SNIP1: variants seen among roughly 807,000 people sequenced by gnomAD.
SNIP1 encodes Smad nuclear interacting protein 1.
In SNIP1, 23 loss-of-function variants were observed where a neutral mutation model predicts 37.4. That is an observed-to-expected ratio of 0.61 (90% CI 0.44 to 0.87). SNIP1 has a LOEUF of 0.87. SNIP1 is among the 40% of genes least tolerant of loss of function. SNIP1 has a pLI of 0.00. For missense variants in SNIP1, 459 were observed against 540.4 expected (o/e 0.85, Z 1.49); for synonymous variants, 174 against 200.0 (o/e 0.87, Z 1.10).
chr1:37,553,863 C>T, intron 1 of SNIP1, 143 bp downstream of exon 1: 2 of 819,878 alleles, frequency 2.4e-6, no homozygotes, highest in Non-Finnish European at 1.9e-6. Flanking sequence ...AACACAAGCA[C>T]GACTGGATCA....
In SNIP1 at chr1:37,553,967, C is replaced by A. The variant is rs746361040; in HGVS notation, c.224+39G>T. ...AGCCCTGCCCGCCTTTCTGAATGAG[C>A]CCAACCCAATGTCCATCCTGGACTG... On this transcript the variant is annotated intron_variant, in intron 1 of 3. Coordinates refer to ENST00000296215, the MANE Select transcript of SNIP1 (RefSeq NM_024700.4). The A allele has an allele frequency of 1.2e-4, 193 of 1,545,018 alleles. 3 individuals are homozygous for A. In the Middle Eastern group the frequency reaches 1.4e-3, roughly 11 times the overall value.
intron 3 of SNIP1, 79 bp from the exon 4 acceptor site, chr1:37,538,091 T>A: frequency 3.4e-6 from 5 of 1,470,820 alleles, no homozygotes; most frequent in Non-Finnish European, 4.5e-6. Flanking sequence ...TTTGCTAAGA[T>A]AGCCTAGATG....
In SNIP1 at chr1:37,537,805, T is replaced by C. The variant is rs1240153064; in HGVS notation, c.1134A>G (p.Glu378=). Reference sequence around the variant, plus strand: ...CATCCTCGTCATCTTTCCTGTCTATTTCAGAAGTGTCCGACGACTCATGGA... The same window carrying C: ...CATCCTCGTCATCTTTCCTGTCTATCTCAGAAGTGTCCGACGACTCATGGA... ...VLLHESSDTS[E]IDRKDDEDEE... is the part of the protein sequence containing the mutation. Residue 378 remains glutamate (E), a synonymous_variant, in exon 4 of 4, where the codon GAA becomes GAG. Transcript: ENST00000296215. The C allele has an allele frequency of 6.2e-7, 1 of 1,614,228 alleles. No individual in the cohort carries two copies. Among genetic ancestry groups the C allele is most frequent in the South Asian group, 1.1e-5 (1 of 91,086 alleles).
rs748948503 is a variant in SNIP1 at position 37,540,162 on chromosome 1, T to C, written c.921A>G (p.Gln307=). Residue 307 remains glutamine (Q), a synonymous_variant, in exon 3 of 4, where the codon CAA becomes CAG. Coordinates refer to ENST00000296215, the MANE Select transcript of SNIP1 (RefSeq NM_024700.4). This position sits in a 1 kb window ranked among gnomAD's most constrained non-coding sequence, Gnocchi z 5.6. ...PSCSKQHAVF[Q]YRLVEYTRAD... ...TCTTCCTCCATGTTACTTACCGATA[T>C]TGAAAGACCGCATGCTGCTTTGAAC... 8 of 1,579,280 alleles carry C rather than the reference T, an allele frequency of 5.1e-6. No homozygotes were observed. The East Asian group carries it at 9.0e-5, about 18-fold the overall frequency.
In SNIP1 at chr1:37,554,073, G is replaced by A; in HGVS notation, c.157C>T (p.Pro53Ser). The change falls in exon 1 of 4, where the codon CCG (proline) becomes TCG (serine). Residue 53 changes from proline to serine, a missense_variant. Physicochemically the swap from Pro to Ser is moderately conservative, Grantham distance 74 (BLOSUM62 -1). Coordinates refer to ENST00000296215, the MANE Select transcript of SNIP1 (RefSeq NM_024700.4). ...HRRPDHSGGSPSPPTSEPARS... is the reference protein window; with the variant it reads ...HRRPDHSGGSSSPPTSEPARS... Reference sequence around the variant, plus strand: ...GCCGGCTCGCTGGTCGGCGGAGACGGGCTACCACCGGAGTGGTCCGGACGG... The same window carrying A: ...GCCGGCTCGCTGGTCGGCGGAGACGAGCTACCACCGGAGTGGTCCGGACGG... 6.2e-7 allele frequency: 1 copy of A among 1,603,290 alleles called. No homozygotes were observed. The highest frequency in any genetic ancestry group is 8.5e-7 in the Non-Finnish European group (1 of 1,176,068).
chr1:37,552,279 C>A (rs186751310), intron 2 of SNIP1, among the ~76,000 whole-genome samples: 57 of 152,162 alleles, frequency 3.7e-4, no homozygotes, highest in African/African-American at 1.3e-3. Context: ...GTATTCCTTG[C>A]GGTGAAGGAA....
At chr1:37,544,143 CAA>C (rs976922210) in intron 2 of SNIP1, among the ~76,000 whole-genome samples, 1 of 128,938 alleles carries the variant, frequency 7.8e-6, no homozygotes, top group Admixed American at 8.1e-5. Context: ...GACTCCGTCT[CAA>C]AAAAAAAAAA....
chr1:37,543,215 GA>G (rs1643193736), intron 2 of SNIP1, among the ~76,000 whole-genome samples: 5 of 152,060 alleles, frequency 3.3e-5, no homozygotes, highest in African/African-American at 1.2e-4. Context: ...GAAGGTACAG[GA>G]AAAATGGGTA....
In SNIP1 at chr1:37,537,890, T is replaced by C; in HGVS notation, c.1049A>G (p.Tyr350Cys). The C allele has an allele frequency of 1.2e-6, 2 of 1,614,240 alleles. No individual in the cohort carries two copies. Among genetic ancestry groups the C allele is most frequent in the Non-Finnish European group, 1.7e-6 (2 of 1,180,046 alleles). Reference protein sequence around the residue: ...NNKRIEPQRYYELKEKDVLKF... With the variant: ...NNKRIEPQRYCELKEKDVLKF... ...GAGTACATCCTTTTCTTTTAGTTCA[T>C]AGTATCTCTGTGGCTCAATACGTTT... is the stretch of plus-strand genomic sequence containing the variant. Residue 350 changes from tyrosine (Y) to cysteine (C), a missense_variant, in exon 4 of 4, where the codon TAT (tyrosine) becomes TGT (cysteine). Tyr to Cys is a radical substitution (Grantham distance 194, BLOSUM62 -2). Coordinates refer to ENST00000296215, the MANE Select transcript of SNIP1 (RefSeq NM_024700.4).
intron 2 of SNIP1, among the ~76,000 whole-genome samples, chr1:37,545,650 A>T (rs1643226492): frequency 6.6e-6 from 1 of 151,906 alleles, no homozygotes; most frequent in Non-Finnish European, 1.5e-5. Context: ...TAAAAAATAC[A>T]TAATAATAAT....
In SNIP1 at chr1:37,554,039, CCCGAGCGGGCCGG is replaced by C; in HGVS notation, c.178_190del (p.Pro60AlafsTer44). The stretch of plus-strand genomic sequence containing the variant: ...TCCTCGGGCTCGGTTCCCGCGGTGG[CCCGAGCGGGCCGG>C]CTCGCTGGTCGGCGGAGACGGGCTA... On this transcript the variant is annotated frameshift_variant, in exon 1 of 4. Transcript: ENST00000296215. LOFTEE classifies it high-confidence loss of function. 6.3e-7 allele frequency: 1 copy of C among 1,581,266 alleles called. No homozygotes were observed. The highest frequency in any genetic ancestry group is 8.6e-7 in the Non-Finnish European group (1 of 1,164,164).
At chr1:37,538,861 A>AGGCAAGCG (rs917362474) in intron 3 of SNIP1, among the ~76,000 whole-genome samples, 31 of 152,254 alleles carry the variant, frequency 2.0e-4, no homozygotes, top group African/African-American at 6.0e-4. Context: ...GCGGGCAAGC[A>AGGCAAGCG]GGCAAGCGAG....
At position 37,535,788 on chromosome 1, in the gene SNIP1, TG is replaced by T. The variant is rs1404083714; in HGVS notation, c.*1959del. 2 of 151,848 alleles carry T rather than the reference TG, an allele frequency of 1.3e-5. No individual in the cohort carries two copies. The highest frequency in any genetic ancestry group is 2.9e-5 in the Non-Finnish European group (2 of 67,992). 9.4% of individuals were successfully genotyped at this position (151,848 alleles called of 1,614,324 possible). On this transcript the variant is annotated 3_prime_UTR_variant, in exon 4 of 4. Coordinates refer to ENST00000296215, the MANE Select transcript of SNIP1 (RefSeq NM_024700.4). ...AGAAAATAGCAGTTACAGTGGCCAATGTAGAACACATTCTTCAACTTACCTT... is the reference window on the plus strand; with the variant it reads ...AGAAAATAGCAGTTACAGTGGCCAATTAGAACACATTCTTCAACTTACCTT...
chr1:37,542,668 A>AG (rs1318400519), intron 2 of SNIP1, among the ~76,000 whole-genome samples: 1 of 152,170 alleles, frequency 6.6e-6, no homozygotes, highest in East Asian at 1.9e-4. Flanking sequence ...TGAGCCTGGG[A>AG]GGCAGAGATT....
intron 2 of SNIP1, among the ~76,000 whole-genome samples, chr1:37,544,534 T>C (rs984817751): frequency 2.6e-5 from 4 of 151,906 alleles, no homozygotes; most frequent in Non-Finnish European, 5.9e-5. Flanking sequence ...AATGTTGTTG[T>C]GTATTCTTGT....
At chr1:37,546,302 G>C (rs1189180751) in intron 2 of SNIP1, among the ~76,000 whole-genome samples, 1 of 152,082 alleles carries the variant, frequency 6.6e-6, no homozygotes, top group Non-Finnish European at 1.5e-5. Context: ...ACATTTACAA[G>C]CTTGCCACTG....
Position 37,552,830 on chromosome 1 carries a change from T to TA in SNIP1, c.225-84dup, listed in dbSNP as rs1643316573. 7.5e-6 allele frequency: 8 copies of TA among 1,066,324 alleles called. No homozygotes were observed. In the South Asian group the frequency reaches 1.0e-4, roughly 13 times the overall value. The allele number at this position is 1,066,324 out of a possible 1,614,324, so 66.1% of individuals were successfully genotyped here. A position where few individuals can be genotyped will look rare whatever the true frequency, so the allele number is the denominator to read the frequency against. On this transcript the variant is annotated intron_variant, in intron 1 of 3. Coordinates refer to ENST00000296215, the MANE Select transcript of SNIP1 (RefSeq NM_024700.4). The stretch of plus-strand genomic sequence containing the variant: ...AGCTTCCAGTATCAGGCTTACCTAC[T>TA]AACACAAACACCGCATTTGTGAAGG...
Position 37,537,995 on chromosome 1 carries a change from C to G in SNIP1, c.944G>C (p.Arg315Pro), listed in dbSNP as rs1415206280. 1 of 1,605,802 alleles carries G rather than the reference C, an allele frequency of 6.2e-7. No individual in the cohort carries two copies. Among genetic ancestry groups the G allele is most frequent in the Admixed American group, 1.7e-5 (1 of 58,294 alleles). ...TCTTCGGCCAACTGTGCCATCAGCA[C>G]GGGTATATTCCACAAGCCTAGCAGA... ...VFQYRLVEYTRADGTVGRRVK... is the reference protein window; with the variant it reads ...VFQYRLVEYTPADGTVGRRVK... Residue 315 changes from arginine to proline, a missense_variant, in exon 4 of 4, where the codon CGT becomes CCT. Arg to Pro is a moderately radical substitution (Grantham distance 103). Transcript: ENST00000296215.
rs1643337065 is a variant in SNIP1, at chr1:37,554,262, T to C, written c.-33A>G. 7 of 1,560,128 alleles carry C rather than the reference T, an allele frequency of 4.5e-6. No individual in the cohort carries two copies. The highest frequency in any genetic ancestry group is 2.4e-5 in the South Asian group (2 of 83,194). ...TTTTGGCTGGGCGAAAGAAAACAGATCAGTTGAGCTCCTCTAGCTGGAGGA... is the reference window on the plus strand; with the variant it reads ...TTTTGGCTGGGCGAAAGAAAACAGACCAGTTGAGCTCCTCTAGCTGGAGGA... On this transcript the variant is annotated 5_prime_UTR_variant, in exon 1 of 4. Coordinates refer to ENST00000296215, the MANE Select transcript of SNIP1 (RefSeq NM_024700.4).
Sources: gnomAD v4.1 joint callset for allele counts (sites outside exome capture counted in the v4.1 genomes callset) on GRCh38, gnomAD v4.1.1 for gene constraint, Gnocchi (gnomAD v3.1) non-coding constraint, MANE v1.5 for transcripts, NCBI Gene and HGNC (gene_info 2026-07-23, HGNC 2026-07-21) for gene names.